CDH13: variants seen among roughly 807,000 people sequenced by gnomAD.
CDH13 encodes cadherin-13.
Under a neutral mutation model 63.8 loss-of-function variants are expected in CDH13, and 24 were observed. That is an observed-to-expected ratio of 0.38 (90% confidence interval 0.27 to 0.53). The LOEUF (loss-of-function observed/expected upper bound fraction) is 0.53, where lower values mean the gene tolerates loss of function less well. Among genes scored for constraint, CDH13 ranks in the 20% least tolerant of loss-of-function variants. The pLI is 0.85. For synonymous variants in CDH13, 503 were observed against 355.3 expected, an observed-to-expected ratio of 1.42 and a Z score of -4.67; for missense variants, 1,049 against 903.1, an observed-to-expected ratio of 1.16 and a Z score of -2.07.
chr16:83,330,363 C>G (rs1285070844), intron 5 of CDH13, among the ~76,000 whole-genome samples: 2 of 152,196 alleles, frequency 1.3e-5, no homozygotes, highest in African/African-American at 2.4e-5. Context: ...TAGTTTCTCT[C>G]TGTATTATTT....
At chr16:83,623,580 C>G (rs1352267073) in intron 8 of CDH13, among the ~76,000 whole-genome samples, 1 of 152,134 alleles carries the variant, frequency 6.6e-6, no homozygotes, top group Non-Finnish European at 1.5e-5. Context: ...CCCGGCAGCT[C>G]TACAAATAGG....
At chr16:82,952,089 A>G (rs900431685) in intron 2 of CDH13, among the ~76,000 whole-genome samples, 1 of 152,242 alleles carries the variant, frequency 6.6e-6, no homozygotes, top group African/African-American at 2.4e-5. Flanking sequence ...AGTTTTGACA[A>G]TGATAAATGC....
intron 5 of CDH13, among the ~76,000 whole-genome samples, chr16:83,256,648 G>C (rs1001239562): frequency 7.0e-6 from 1 of 141,878 alleles, no homozygotes; most frequent in Admixed American, 7.3e-5. Context: ...TGGCTAACAC[G>C]GTGAAACCCC....
chr16:83,177,565 A>G (rs1471808576), intron 4 of CDH13, among the ~76,000 whole-genome samples: 2 of 152,216 alleles, frequency 1.3e-5, no homozygotes, highest in African/African-American at 2.4e-5. Flanking sequence ...AGGATTAAAT[A>G]TAAGAAGAGC....
chr16:82,701,600 C>T (rs1567642384), intron 1 of CDH13, among the ~76,000 whole-genome samples: 1 of 152,144 alleles, frequency 6.6e-6, no homozygotes, highest in Admixed American at 6.6e-5. Context: ...TTTCTGTCAG[C>T]AGTCCTTCCT....
chr16:83,679,616 A>T (rs1915239845), intron 10 of CDH13, among the ~76,000 whole-genome samples: 1 of 152,244 alleles, frequency 6.6e-6, no homozygotes. Context: ...TGAATCTGAA[A>T]TAGCCATTCT....
At chr16:83,298,206 G>A (rs2089649454) in intron 5 of CDH13, among the ~76,000 whole-genome samples, 1 of 152,026 alleles carries the variant, frequency 6.6e-6, no homozygotes, top group Non-Finnish European at 1.5e-5. Flanking sequence ...TCGCCCCACT[G>A]CACTCCAGGC....
intron 1 of CDH13, among the ~76,000 whole-genome samples, chr16:82,782,056 A>G (rs144012855): frequency 6.6e-6 from 1 of 152,348 alleles, no homozygotes; most frequent in Admixed American, 6.5e-5. Flanking sequence ...TAAGTAGCTG[A>G]TGAATATTCA....
chr16:83,739,246 G>C (rs977244568), intron 10 of CDH13, among the ~76,000 whole-genome samples: 1 of 151,994 alleles, frequency 6.6e-6, no homozygotes, highest in Non-Finnish European at 1.5e-5. Flanking sequence ...GGGTGTCTAC[G>C]TGACCAGCCC....
intron 10 of CDH13, among the ~76,000 whole-genome samples, chr16:83,718,835 C>G (rs1390880258): frequency 6.6e-6 from 1 of 152,134 alleles, no homozygotes; most frequent in African/African-American, 2.4e-5. Flanking sequence ...TCTATGACCA[C>G]CCTGTATTCT....
intron 6 of CDH13, among the ~76,000 whole-genome samples, chr16:83,483,755 C>T (rs1257210998): frequency 6.6e-6 from 1 of 152,090 alleles, no homozygotes; most frequent in African/African-American, 2.4e-5. Flanking sequence ...CTGAAATCTG[C>T]CTCTGATTTC....
At chr16:83,654,280 A>G (rs1723062273) in intron 8 of CDH13, among the ~76,000 whole-genome samples, 1 of 152,086 alleles carries the variant, frequency 6.6e-6, no homozygotes, top group Admixed American at 6.5e-5. Context: ...CCAACCTGAT[A>G]CATCTATAAG....
chr16:83,660,086 C>G (rs957543321), intron 8 of CDH13, among the ~76,000 whole-genome samples: 5 of 152,132 alleles, frequency 3.3e-5, no homozygotes, highest in Non-Finnish European at 7.4e-5. Context: ...CACGCCCAGC[C>G]AATCCACAAC....
chr16:83,709,276 A>G (rs1382929456), intron 10 of CDH13, among the ~76,000 whole-genome samples: 1 of 152,208 alleles, frequency 6.6e-6, no homozygotes, highest in Non-Finnish European at 1.5e-5. Flanking sequence ...GGACTATAAG[A>G]ATAAATCTGA....
chr16:82,798,912 A>G (rs1403436274), intron 1 of CDH13, among the ~76,000 whole-genome samples: 1 of 152,146 alleles, frequency 6.6e-6, no homozygotes, highest in Non-Finnish European at 1.5e-5. Flanking sequence ...TTTGATTCTC[A>G]CTTTGCAGAT....
rs28572502 is a variant in CDH13 at position 83,662,401 on chromosome 16, G to A, written c.1102-8389G>A. ...ACAAAAGAGAAACACAAAATTGTCCGTAGAAGAAATTAATGTTAGTTGGAC... is the reference window on the plus strand; with the variant it reads ...ACAAAAGAGAAACACAAAATTGTCCATAGAAGAAATTAATGTTAGTTGGAC... On this transcript the variant is annotated intron_variant, in intron 8 of 13. Transcript: ENST00000567109. Among the ~76,000 whole-genome samples, 1,273 of 152,294 alleles carry A rather than the reference G, an allele frequency of 8.4e-3. 17 individuals are homozygous for A. The highest frequency in any genetic ancestry group is 0.029 in the African/African-American group (1,211 of 41,558).
chr16:83,708,581 G>A (rs770572972), intron 10 of CDH13, among the ~76,000 whole-genome samples: 6 of 152,026 alleles, frequency 3.9e-5, no homozygotes, highest in Admixed American at 2.6e-4. Context: ...GCTAAGTAAC[G>A]CCCACACCGC....
In CDH13 at chr16:83,678,295, C is replaced by T. The variant is rs779061600; in HGVS notation, c.1372C>T (p.Pro458Ser). The T allele has an allele frequency of 3.1e-6, 5 of 1,613,950 alleles. No homozygotes were observed. The East Asian group carries it at 1.1e-4, about 36-fold the overall frequency. The change falls in exon 10 of 14, where the codon CCC becomes TCC. Residue 458 changes from proline to serine, a missense_variant. Physicochemically the swap from Pro to Ser is moderately conservative, Grantham distance 74. Coordinates refer to ENST00000567109, the MANE Select transcript of CDH13 (RefSeq NM_001257.5). ...ACTCGTACCCGACGTCTCCTACGGC[C>T]CCAGCTCCACAGCCACCGTCCACAT... The part of the protein sequence containing the change: ...DPLVPDVSYG[P>S]SSTATVHITV...
chr16:83,235,114 A>C (rs574531795), intron 5 of CDH13, among the ~76,000 whole-genome samples: 118 of 152,308 alleles, frequency 7.7e-4, no homozygotes, highest in Middle Eastern at 6.8e-3. Flanking sequence ...CTAAGGTGGG[A>C]GGATAACTTG....
Sources: allele counts gnomAD v4.1 joint callset (sites outside exome capture counted in the v4.1 genomes callset), GRCh38; gene constraint gnomAD v4.1.1; transcripts MANE v1.5; gene names NCBI Gene and HGNC (gene_info 2026-07-23, HGNC 2026-07-21).